COX6B1: variants seen among roughly 807,000 people sequenced by gnomAD.
COX6B1 encodes the protein COX VIb-1.
Under a neutral mutation model 14.0 loss-of-function variants are expected in COX6B1, and 2 were observed. The ratio of observed to expected loss-of-function variants is 0.14; its 90% confidence interval spans 0.06 to 0.45. The LOEUF is 0.45. COX6B1 is among the 20% of genes least tolerant of loss of function. COX6B1 has a pLI of 0.98. For synonymous variants in COX6B1, 30 were observed against 39.7 expected (o/e 0.76, Z 0.92); for missense variants, 81 against 114.2 (o/e 0.71, Z 1.33).
intron 3 of COX6B1, 64 bp downstream of exon 3, chr19:35,654,735 TG>T (rs1305292417): frequency 2.8e-6 from 4 of 1,452,806 alleles, no homozygotes; most frequent in Non-Finnish European, 3.9e-6. Flanking sequence ...GGGAGTGTGG[TG>T]GCTTGGTGGG....
intron 2 of COX6B1, among the ~76,000 whole-genome samples, chr19:35,652,893 G>A (rs981927037): frequency 6.6e-6 from 1 of 151,752 alleles, no homozygotes; most frequent in African/African-American, 2.4e-5. Flanking sequence ...CTGCCTCCCG[G>A]GTTCAAGTGA....
intron 2 of COX6B1, 32 bp downstream of exon 2, chr19:35,651,381 C>A: frequency 6.5e-7 from 1 of 1,541,942 alleles, no homozygotes; most frequent in Non-Finnish European, 9.0e-7. Context: ...CCACATACCT[C>A]GAGTCACTCA....
intron 1 of COX6B1, among the ~76,000 whole-genome samples, chr19:35,650,028 T>G (rs1490415149): frequency 2.0e-5 from 3 of 150,348 alleles, no homozygotes; most frequent in Admixed American, 6.6e-5. Context: ...TTTGAGACAG[T>G]GTTTTTGCTC....
At chr19:35,652,672 C>T (rs991847131) in intron 2 of COX6B1, among the ~76,000 whole-genome samples, 1 of 151,140 alleles carries the variant, frequency 6.6e-6, no homozygotes, top group African/African-American at 2.4e-5. Context: ...TCTTGAACTC[C>T]TGACCTCAGG....
chr19:35,652,173 G>A (rs1967832131), intron 2 of COX6B1, among the ~76,000 whole-genome samples: 1 of 151,936 alleles, frequency 6.6e-6, no homozygotes, highest in African/African-American at 2.4e-5. Flanking sequence ...GGGATTACAG[G>A]CACCTGCCAC....
intron 3 of COX6B1, among the ~76,000 whole-genome samples, chr19:35,658,007 G>T (rs765064330): frequency 6.6e-6 from 1 of 152,000 alleles, no homozygotes; most frequent in East Asian, 1.9e-4. Context: ...GTCCAGGTTG[G>T]TCTCAAACTC....
chr19:35,650,385 A>C (rs1967811799), intron 1 of COX6B1, among the ~76,000 whole-genome samples: 1 of 152,126 alleles, frequency 6.6e-6, no homozygotes, highest in South Asian at 2.1e-4. Context: ...CACTTCATGT[A>C]CTCATGGAGC....
intron 3 of COX6B1, among the ~76,000 whole-genome samples, chr19:35,657,546 T>TATATAAA (rs761385516): frequency 3.3e-5 from 5 of 152,000 alleles, no homozygotes; most frequent in Non-Finnish European, 7.3e-5. Context: ...AGCGTGTATG[T>TATATAAA]ATATAAAAAC....
chr19:35,658,600 G>A lies in COX6B1; in HGVS notation c.214G>A (p.Asp72Asn). 6.2e-7 allele frequency: 1 copy of A among 1,614,024 alleles called. No individual in the cohort carries two copies. Among genetic ancestry groups the A allele is most frequent in the Non-Finnish European group, 8.5e-7 (1 of 1,179,920 alleles). ...QSLCPTSWVT[D>N]WDEQRAEGTF... Reference sequence around the variant, plus strand: ...TAACACTGTCTTTCCACAGGTCACAGACTGGGATGAGCAACGGGCTGAAGG... The same window carrying A: ...TAACACTGTCTTTCCACAGGTCACAAACTGGGATGAGCAACGGGCTGAAGG... The change falls in exon 4 of 4, where the codon GAC becomes AAC. Residue 72 changes from aspartate to asparagine, a missense_variant. By Grantham distance (23) the Asp-to-Asn change is conservative. Transcript: ENST00000649813.
At position 35,651,285 on chromosome 19, in the gene COX6B1, C is replaced by T. The variant is rs7991; in HGVS notation, c.42C>T (p.Thr14=). 156,688 of 1,613,176 alleles carry T rather than the reference C, an allele frequency of 0.097. 9,699 individuals carry two copies. The highest frequency in any genetic ancestry group is 0.28 in the East Asian group (12,650 of 44,834). ...DMETKIKNYK[T]APFDSRFPNQ... Reference sequence around the variant, plus strand: ...AGACCAAAATCAAGAACTACAAGACCGCCCCTTTTGACAGCCGCTTCCCCA... The same window carrying T: ...AGACCAAAATCAAGAACTACAAGACTGCCCCTTTTGACAGCCGCTTCCCCA... The change falls in exon 2 of 4, where the codon ACC becomes ACT. Residue 14 remains threonine (T), a synonymous_variant. Transcript: ENST00000649813.
At chr19:35,655,729 G>C (rs1599623019) in intron 3 of COX6B1, among the ~76,000 whole-genome samples, 2 of 151,368 alleles carry the variant, frequency 1.3e-5, no homozygotes, top group African/African-American at 4.9e-5. Flanking sequence ...GAGTAGCTTG[G>C]ACTACAGGCA....
chr19:35,657,649 C>CTTTT (rs1967900770), intron 3 of COX6B1, among the ~76,000 whole-genome samples: 2 of 120,978 alleles, frequency 1.7e-5, no homozygotes, highest in Non-Finnish European at 3.5e-5. Context: ...TGGGCCTTTT[C>CTTTT]ATTTTTTTTT....
chr19:35,656,135 T>C (rs992183698), intron 3 of COX6B1, among the ~76,000 whole-genome samples: 2 of 152,146 alleles, frequency 1.3e-5, no homozygotes, highest in Non-Finnish European at 2.9e-5. Flanking sequence ...CAGCTGAATC[T>C]TTCAAAATAA....
intron 2 of COX6B1, among the ~76,000 whole-genome samples, chr19:35,652,103 C>T (rs1452600979): frequency 6.6e-6 from 1 of 150,938 alleles, no homozygotes; most frequent in Non-Finnish European, 1.5e-5. Context: ...AATCTTGGCT[C>T]ACTGCAACCT....
chr19:35,651,381 C>G (rs776339676), intron 2 of COX6B1, 32 bp downstream of exon 2: 1 of 1,541,950 alleles, frequency 6.5e-7, no homozygotes, highest in Non-Finnish European at 9.0e-7. Context: ...CCACATACCT[C>G]GAGTCACTCA....
intron 3 of COX6B1, among the ~76,000 whole-genome samples, chr19:35,655,038 T>C (rs1405743908): frequency 6.6e-6 from 1 of 151,410 alleles, no homozygotes; most frequent in Non-Finnish European, 1.5e-5. Flanking sequence ...TTTTTTTTTT[T>C]TAGACAAGGG....
At chr19:35,653,798 G>T (rs1967857558) in intron 2 of COX6B1, among the ~76,000 whole-genome samples, 1 of 151,914 alleles carries the variant, frequency 6.6e-6, no homozygotes, top group Middle Eastern at 3.2e-3. Flanking sequence ...TCTATCTCCT[G>T]ACCTCGTGAT....
In COX6B1 at chr19:35,655,103, C is replaced by T. The variant is rs540370131; in HGVS notation, c.207+432C>T. On this transcript the variant is annotated intron_variant, in intron 3 of 3. Coordinates refer to ENST00000649813, the MANE Select transcript of COX6B1 (RefSeq NM_001863.5). ...GGAGTGCAGTGGCGCGATCTTGCCT[C>T]ACTGCAACCTCCGCCTCCTGGGTTC... 6.6e-5 allele frequency among the ~76,000 whole-genome samples: 10 copies of T among 150,476 alleles called. No individual in the cohort carries two copies. The South Asian group carries it at 1.7e-3, about 25-fold the overall frequency.
intron 2 of COX6B1, among the ~76,000 whole-genome samples, chr19:35,652,601 A>T (rs1164220347): frequency 7.2e-6 from 1 of 138,288 alleles, no homozygotes; most frequent in Non-Finnish European, 1.6e-5. Flanking sequence ...TGCCCAGCTA[A>T]TTTTTTGTAT....
Sources: gnomAD v4.1 joint callset for allele counts (sites outside exome capture counted in the v4.1 genomes callset) on GRCh38, gnomAD v4.1.1 for gene constraint, MANE v1.5 for transcripts, NCBI Gene and HGNC (gene_info 2026-07-23, HGNC 2026-07-21) for gene names.